The following ST18 variants were observed in gnomAD, a reference collection of about 807,000 sequenced individuals.
ST18 encodes the protein suppression of tumorigenicity 18 protein.
ST18 carries 50 observed loss-of-function variants against 110.0 expected under a neutral mutation model. That is an observed-to-expected ratio of 0.45 (90% confidence interval 0.36 to 0.58). ST18 has a LOEUF of 0.58. ST18 is among the 20% of genes least tolerant of loss of function. ST18 has a pLI of 0.00. For synonymous variants in ST18, 461 were observed against 452.4 expected (o/e 1.02, Z -0.24); for missense variants, 1,306 against 1,280.1 (o/e 1.02, Z -0.31).
intron 2 of ST18, among the ~76,000 whole-genome samples, chr8:52,334,409 G>A (rs1156611410): frequency 6.6e-6 from 1 of 152,174 alleles, no homozygotes. Context: ...GCACCCACAT[G>A]TGTAACTCAC....
rs1038827365 is a variant in ST18, at chr8:52,113,429, G to A, written c.3004-91C>T. ...GTGACATCGAAGATCAGTGATCCGG[G>A]AGTCGGGAGGGAAGGCAAGGGTGCA... On this transcript the variant is annotated intron_variant, in intron 25 of 25. Transcript: ENST00000689386. 36 of 1,507,096 alleles carry A rather than the reference G, an allele frequency of 2.4e-5. No homozygotes were observed. The South Asian group carries it at 3.1e-4, about 13-fold the overall frequency. 93.4% of individuals were successfully genotyped at this position (1,507,096 alleles called of 1,614,324 possible). A position where few individuals can be genotyped will look rare whatever the true frequency, so the allele number is the denominator to read the frequency against.
rs182195496 is a variant in ST18 at position 52,379,882 on chromosome 8, T to A, written c.-465+29446A>T. On this transcript the variant is annotated intron_variant, in intron 2 of 25. Transcript: ENST00000689386. ...CTGTAATAATTTTGTAGCCACCTCC[T>A]GTTGTGATTGTGGTGAGCCCAAGTG... 3.3e-5 allele frequency among the ~76,000 whole-genome samples: 5 copies of A among 152,360 alleles called. No individual in the cohort carries two copies. The East Asian group carries it at 7.7e-4, about 23-fold the overall frequency.
rs199871643 is a variant in ST18 at position 52,113,208 on chromosome 8, A to C, written c.3134T>G (p.Ile1045Ser). Residue 1045 changes from isoleucine to serine, a missense_variant, in exon 26 of 26, where the codon ATC (isoleucine) becomes AGC (serine). By Grantham distance (142) the Ile-to-Ser change is moderately radical (BLOSUM62 -2). Coordinates refer to ENST00000689386, the MANE Select transcript of ST18 (RefSeq NM_001352837.2). ...LESIKQAVKG[I>S]HV ...GGCAGCGCTGTGATCCTACACATGG[A>C]TACCCTTCACTGCCTGTTTGATACT... The C allele has an allele frequency of 5.5e-5, 89 of 1,613,928 alleles. No individual in the cohort carries two copies. The highest frequency in any genetic ancestry group is 6.5e-5 in the Non-Finnish European group (77 of 1,179,962).
chr8:52,128,353 A>G (rs961282029), intron 22 of ST18, among the ~76,000 whole-genome samples: 2 of 152,204 alleles, frequency 1.3e-5, no homozygotes, highest in Non-Finnish European at 2.9e-5. Context: ...ATTGCTTACA[A>G]TATATTATTA....
chr8:52,377,738 T>A (rs1832962038), intron 2 of ST18, among the ~76,000 whole-genome samples: 1 of 152,134 alleles, frequency 6.6e-6, no homozygotes, highest in African/African-American at 2.4e-5. Flanking sequence ...GATCCAGCAA[T>A]CCCACTGCTG....
intron 2 of ST18, among the ~76,000 whole-genome samples, chr8:52,261,900 T>C (rs771225643): frequency 2.0e-5 from 3 of 152,244 alleles, no homozygotes; most frequent in Non-Finnish European, 4.4e-5. Context: ...CCCATCCTGA[T>C]GGCTTTCCTT....
intron 2 of ST18, among the ~76,000 whole-genome samples, chr8:52,301,136 C>T (rs2095714552): frequency 6.6e-6 from 1 of 151,986 alleles, no homozygotes; most frequent in African/African-American, 2.4e-5. Context: ...GATATACTTC[C>T]TTCCCTTCAA....
chr8:52,170,964 G>C (rs551842013), intron 10 of ST18, among the ~76,000 whole-genome samples: 2 of 152,014 alleles, frequency 1.3e-5, no homozygotes, highest in Admixed American at 6.6e-5. Context: ...TTTTTTCTAA[G>C]GTACTCCTCT....
intron 2 of ST18, among the ~76,000 whole-genome samples, chr8:52,232,538 C>G (rs576470271): frequency 7.9e-5 from 12 of 152,028 alleles, no homozygotes; most frequent in Non-Finnish European, 1.6e-4. Context: ...AATGGTGCAA[C>G]GTGTTTCTTA....
At chr8:52,280,252 C>T (rs952671776) in intron 2 of ST18, among the ~76,000 whole-genome samples, 1 of 151,836 alleles carries the variant, frequency 6.6e-6, no homozygotes, top group African/African-American at 2.4e-5. Flanking sequence ...GAGAAATTAC[C>T]AGATATCATG....
intron 2 of ST18, among the ~76,000 whole-genome samples, chr8:52,318,887 T>G (rs537658432): frequency 5.8e-5 from 6 of 103,638 alleles, no homozygotes; most frequent in Admixed American, 1.2e-4. Context: ...CATGGACACA[T>G]GGGGGGGTGG....
chr8:52,234,727 T>A (rs201630369), intron 2 of ST18, among the ~76,000 whole-genome samples: 4,406 of 107,978 alleles, frequency 0.041, 123 homozygotes, highest in East Asian at 0.1. Context: ...AAAGAAACTA[T>A]GGTGTGTGTG....
intron 2 of ST18, among the ~76,000 whole-genome samples, chr8:52,277,556 T>G (rs1413203139): frequency 6.6e-6 from 1 of 152,222 alleles, no homozygotes; most frequent in African/African-American, 2.4e-5. Flanking sequence ...GTTTGTGGTT[T>G]TGATCATCTA....
chr8:52,398,507 C>A (rs1294788778), intron 2 of ST18, among the ~76,000 whole-genome samples: 1 of 152,172 alleles, frequency 6.6e-6, no homozygotes, highest in Non-Finnish European at 1.5e-5. Flanking sequence ...AGTGGAAGAG[C>A]TTTCAGTTGC....
chr8:52,382,650 A>C (rs1309190357), intron 2 of ST18, among the ~76,000 whole-genome samples: 1 of 152,240 alleles, frequency 6.6e-6, no homozygotes, highest in African/African-American at 2.4e-5. Context: ...GGAAAGCAGA[A>C]GAGATTTTCA....
At chr8:52,149,593 C>G in intron 16 of ST18, 139 bp downstream of exon 16, 1 of 1,257,334 alleles carries the variant, frequency 8.0e-7, no homozygotes, top group East Asian at 2.6e-5. Context: ...AAAATCACCA[C>G]TTTATCAAAA....
intron 2 of ST18, among the ~76,000 whole-genome samples, chr8:52,298,442 T>C (rs2095666470): frequency 6.6e-6 from 1 of 152,216 alleles, no homozygotes; most frequent in Admixed American, 6.5e-5. Flanking sequence ...ATCAGACAAT[T>C]AGCATCAACC....
At chr8:52,249,756 G>T (rs1211679608) in intron 2 of ST18, among the ~76,000 whole-genome samples, 1 of 152,046 alleles carries the variant, frequency 6.6e-6, no homozygotes, top group Non-Finnish European at 1.5e-5. Flanking sequence ...TAAAATACAT[G>T]CATATTTAGC....
chr8:52,255,159 G>GT (rs1278070418), intron 2 of ST18, among the ~76,000 whole-genome samples: 1 of 152,128 alleles, frequency 6.6e-6, no homozygotes, highest in African/African-American at 2.4e-5. Context: ...TAGATTCCAT[G>GT]TGAGTGGCAC....
Sources: gnomAD v4.1 joint callset for allele counts (sites outside exome capture counted in the v4.1 genomes callset) on GRCh38, gnomAD v4.1.1 for gene constraint, MANE v1.5 for transcripts, NCBI Gene and HGNC (gene_info 2026-07-23, HGNC 2026-07-21) for gene names.